Variants in FAM53B observed in about 807,000 individuals in gnomAD.
FAM53B encodes protein FAM53B.
FAM53B carries 12 observed loss-of-function variants against 32.7 expected under a neutral mutation model. The observed-to-expected ratio is 0.37, with a 90% CI of 0.24 to 0.59. The LOEUF is 0.59. FAM53B is among the 20% of genes least tolerant of loss of function. The pLI is 0.72. For missense variants in FAM53B, 477 were observed against 577.7 expected (o/e 0.83, Z 1.79); for synonymous variants, 234 against 228.7 (o/e 1.02, Z -0.21).
intron 1 of FAM53B, among the ~76,000 whole-genome samples, chr10:124,734,550 A>G (rs561580965): frequency 1.3e-4 from 19 of 151,890 alleles, no homozygotes; most frequent in Non-Finnish European, 2.1e-4. Context: ...TCAGGATCTC[A>G]TTGTCCTAGC....
chr10:124,672,522 T>C (rs888975888), intron 4 of FAM53B, among the ~76,000 whole-genome samples: 3 of 152,248 alleles, frequency 2.0e-5, no homozygotes, highest in Non-Finnish European at 2.9e-5. Context: ...CACAGGCCCC[T>C]TGTTTCCCGG....
At chr10:124,664,521 C>T (rs1328910486) in intron 4 of FAM53B, among the ~76,000 whole-genome samples, 3 of 152,186 alleles carry the variant, frequency 2.0e-5, no homozygotes, top group African/African-American at 7.2e-5. Flanking sequence ...ACAAGGCCCC[C>T]AAGTCTTCAA....
At chr10:124,690,041 T>C (rs1337250331) in intron 3 of FAM53B, among the ~76,000 whole-genome samples, 1 of 152,238 alleles carries the variant, frequency 6.6e-6, no homozygotes, top group Non-Finnish European at 1.5e-5. Context: ...TCCATCCTGA[T>C]TGTGGGTGTG....
chr10:124,726,692 T>C (rs888652302), intron 1 of FAM53B, among the ~76,000 whole-genome samples: 1 of 152,028 alleles, frequency 6.6e-6, no homozygotes, highest in African/African-American at 2.4e-5. Flanking sequence ...AAAAACAGGG[T>C]TGAGTGAAAA....
In FAM53B at chr10:124,622,176, G is replaced by A. The variant is rs1262398723; in HGVS notation, c.*1066C>T. 6.6e-6 allele frequency: 1 copy of A among 152,226 alleles called. No individual in the cohort carries two copies. Among genetic ancestry groups the A allele is most frequent in the Non-Finnish European group, 1.5e-5 (1 of 68,076 alleles). The allele number at this position is 152,226 out of a possible 1,614,324, so 9.4% of individuals were successfully genotyped here. On this transcript the variant is annotated 3_prime_UTR_variant, in exon 5 of 5. Transcript: ENST00000337318. ...GTGGGCTTGTCTTGAGGTGGGTGAT[G>A]TGCCCTGGTTACAGCCAGCAGTCCT... is the stretch of plus-strand genomic sequence containing the variant.
intron 1 of FAM53B, among the ~76,000 whole-genome samples, chr10:124,728,105 G>C (rs1056123801): frequency 2.6e-5 from 4 of 152,226 alleles, no homozygotes; most frequent in Middle Eastern, 3.4e-3. Flanking sequence ...CCATGGACTC[G>C]CTTGGCTTCG....
At chr10:124,656,722 A>T (rs1367305446) in intron 4 of FAM53B, among the ~76,000 whole-genome samples, 2 of 152,174 alleles carry the variant, frequency 1.3e-5, no homozygotes, top group Non-Finnish European at 2.9e-5. Flanking sequence ...TTAAAGAGGA[A>T]ATAGCATTAT....
Position 124,622,386 on chromosome 10 carries a change from C to T in FAM53B, c.*856G>A, listed in dbSNP as rs1589727326. ...CATCCCTACACTCACCGGAACCAAC[C>T]ATGCTTATCACTCAGTGACCTGTCA... is the stretch of plus-strand genomic sequence containing the variant. On this transcript the variant is annotated 3_prime_UTR_variant, in exon 5 of 5. Coordinates refer to ENST00000337318, the MANE Select transcript of FAM53B (RefSeq NM_014661.4). The T allele has an allele frequency of 6.6e-6, 1 of 152,376 alleles. No homozygotes were observed. Among genetic ancestry groups the T allele is most frequent in the East Asian group, 1.9e-4 (1 of 5,184 alleles). The allele number at this position is 152,376 out of a possible 1,614,324, so 9.4% of individuals were successfully genotyped here.
chr10:124,727,512 CA>C lies in FAM53B; in HGVS notation c.-175+16500del, dbSNP rs775543844. Among the ~76,000 whole-genome samples the C allele has an allele frequency of 7.2e-5, 11 of 152,206 alleles. No homozygotes were observed. In the Middle Eastern group the frequency reaches 0.014, roughly 188 times the overall value. The stretch of plus-strand genomic sequence containing the variant: ...TGGCTTATCTTTGCAAGTTTACTAG[CA>C]GGTGGAACACGAGGTAGCAGGATTA... On this transcript the variant is annotated intron_variant, in intron 1 of 4. Coordinates refer to ENST00000337318, the MANE Select transcript of FAM53B (RefSeq NM_014661.4).
intron 4 of FAM53B, among the ~76,000 whole-genome samples, chr10:124,676,752 C>A (rs1165067144): frequency 6.6e-6 from 1 of 152,210 alleles, no homozygotes; most frequent in African/African-American, 2.4e-5. Flanking sequence ...CCACCCAGCT[C>A]TCCTGGACTC....
chr10:124,714,956 G>A (rs1950030532), intron 1 of FAM53B, among the ~76,000 whole-genome samples: 1 of 152,102 alleles, frequency 6.6e-6, no homozygotes, highest in African/African-American at 2.4e-5. Flanking sequence ...TTACAGAGGG[G>A]GAAAGTGAGG....
chr10:124,718,208 G>A (rs1019645116), intron 1 of FAM53B, among the ~76,000 whole-genome samples: 16 of 152,104 alleles, frequency 1.1e-4, no homozygotes, highest in African/African-American at 3.9e-4. Flanking sequence ...AGCTCTGTAA[G>A]AACTGCTATA....
rs1326710403 is a variant in FAM53B, at chr10:124,665,056, C to A, written c.906+16551G>T. Among the ~76,000 whole-genome samples, 8 of 152,372 alleles carry A rather than the reference C, an allele frequency of 5.3e-5. No individual in the cohort carries two copies. The East Asian group carries it at 1.5e-3, about 29-fold the overall frequency. On this transcript the variant is annotated intron_variant, in intron 4 of 4. Coordinates refer to ENST00000337318, the MANE Select transcript of FAM53B (RefSeq NM_014661.4). ...CTGGCCCTACAGAGGCCAGCCCCAG[C>A]CAGTGGCCCTCGCTTGTGTGCACCA...
intron 2 of FAM53B, among the ~76,000 whole-genome samples, chr10:124,702,065 T>C (rs1431215729): frequency 6.6e-6 from 1 of 152,146 alleles, no homozygotes; most frequent in Non-Finnish European, 1.5e-5. Context: ...CCCTGGTGAC[T>C]TTCCCTTGCA....
chr10:124,741,668 G>A (rs1466807255), intron 1 of FAM53B, among the ~76,000 whole-genome samples: 1 of 152,064 alleles, frequency 6.6e-6, no homozygotes, highest in Non-Finnish European at 1.5e-5. Context: ...ATATATAAGG[G>A]GAAAGAGAAA....
At chr10:124,644,151 A>C (rs1949495705) in intron 4 of FAM53B, among the ~76,000 whole-genome samples, 2 of 152,154 alleles carry the variant, frequency 1.3e-5, no homozygotes, top group African/African-American at 4.8e-5. Flanking sequence ...GAGGGTACCC[A>C]GGCCTGGCCA....
chr10:124,674,616 G>T (rs558630241), intron 4 of FAM53B, among the ~76,000 whole-genome samples: 1 of 152,196 alleles, frequency 6.6e-6, no homozygotes, highest in Non-Finnish European at 1.5e-5. Flanking sequence ...GCCTGGGAAC[G>T]ACATTAGGGT....
intron 4 of FAM53B, chr10:124,624,061 G>A (rs539264580): frequency 6.2e-6 from 1 of 162,586 alleles, no homozygotes; most frequent in African/African-American, 2.4e-5. Context: ...GAAAAGAAGA[G>A]AGTAACCCAA....
In FAM53B at chr10:124,696,196, ATCT is replaced by A; in HGVS notation, c.92_94del (p.Lys31del). ...AGAGAAAAGTGTAGGTCCTTGACTC[ATCT>A]TCTTTGGCGTGTGCTGAAAACAACC... is the stretch of plus-strand genomic sequence containing the variant. On this transcript the variant is annotated inframe_deletion, in exon 3 of 5. Coordinates refer to ENST00000337318, the MANE Select transcript of FAM53B (RefSeq NM_014661.4). 6.2e-7 allele frequency: 1 copy of A among 1,614,050 alleles called. No individual in the cohort carries two copies. The highest frequency in any genetic ancestry group is 8.5e-7 in the Non-Finnish European group (1 of 1,179,942).
Sources: gnomAD v4.1 joint callset for allele counts (sites outside exome capture counted in the v4.1 genomes callset) on GRCh38, gnomAD v4.1.1 for gene constraint, MANE v1.5 for transcripts, NCBI Gene and HGNC (gene_info 2026-07-23, HGNC 2026-07-21) for gene names.